Variants in ALPP observed in about 807,000 individuals in gnomAD.
ALPP encodes the protein alkaline phosphatase, placental type.
In ALPP, 39 loss-of-function variants were observed where a neutral mutation model predicts 50.7. The ratio of observed to expected loss-of-function variants is 0.77; its 90% CI spans 0.60 to 1.00. The LOEUF is 1.00. Among genes scored for constraint, ALPP ranks in the 50% least tolerant of loss-of-function variants. The pLI, the probability that ALPP is intolerant of heterozygous loss-of-function variation, is 0.00. For synonymous variants in ALPP, 226 were observed against 320.3 expected (o/e 0.71, Z 3.14); for missense variants, 550 against 746.8 (o/e 0.74, Z 3.07).
intron 5 of ALPP, 57 bp downstream of exon 5, chr2:232,379,993 T>C (rs12620827): frequency 0.083 from 129,360 of 1,566,878 alleles, 6,173 homozygotes; most frequent in East Asian, 0.23. Context: ...GAGGGGGCAC[T>C]AGCTCAGACC....
At chr2:232,381,129 C>T in intron 9 of ALPP, 98 bp downstream of exon 9, 1 of 1,585,034 alleles carries the variant, frequency 6.3e-7, no homozygotes, top group Admixed American at 1.8e-5. Context: ...AATGCTGGCA[C>T]CAGCCCTGTA....
In ALPP at chr2:232,381,943, C is replaced by T; in HGVS notation, c.*148C>T. The T allele has an allele frequency of 7.8e-7, 1 of 1,278,108 alleles. No individual in the cohort carries two copies. The highest frequency in any genetic ancestry group is 1.5e-5 in the African/African-American group (1 of 66,822). The allele number at this position is 1,278,108 out of a possible 1,614,324, so 79.2% of individuals were successfully genotyped here. Reference sequence around the variant, plus strand: ...CATGGAACCTTCCCCTCCCCGTGCGCTCTGGGGACTGAGCCCATGACACCA... The same window carrying T: ...CATGGAACCTTCCCCTCCCCGTGCGTTCTGGGGACTGAGCCCATGACACCA... On this transcript the variant is annotated 3_prime_UTR_variant, in exon 11 of 11. Coordinates refer to ENST00000392027, the MANE Select transcript of ALPP (RefSeq NM_001632.5).
Position 232,379,794 on chromosome 2 carries a change from G to C in ALPP, c.515G>C (p.Arg172Pro), listed in dbSNP as rs746821321. Reference sequence around the variant, plus strand: ...TCAGTGGGAGTGGTAACCACCACACGAGTGCAGCACGCCTCGCCAGCCGGC... The same window carrying C: ...TCAGTGGGAGTGGTAACCACCACACCAGTGCAGCACGCCTCGCCAGCCGGC... The part of the protein sequence containing the change: ...GKSVGVVTTT[R>P]VQHASPAGTY... Residue 172 changes from arginine to proline, a missense_variant, in exon 5 of 11, where the codon CGA becomes CCA. By Grantham distance (103) the Arg-to-Pro change is moderately radical. Around this residue, in one of 5 missense-constraint regions of ALPP, gnomAD observed 376 missense variants for 388.5 expected, o/e 0.97. Transcript: ENST00000392027. 2 of 1,613,906 alleles carry C rather than the reference G, an allele frequency of 1.2e-6. No homozygotes were observed. The highest frequency in any genetic ancestry group is 1.7e-6 in the Non-Finnish European group (2 of 1,180,042).
chr2:232,381,914 C>G lies in ALPP; in HGVS notation c.*119C>G, dbSNP rs1696725265. On this transcript the variant is annotated 3_prime_UTR_variant, in exon 11 of 11. Coordinates refer to ENST00000392027, the MANE Select transcript of ALPP (RefSeq NM_001632.5). ...TCCCCGGAGTCCCTATACAGAGGTC[C>G]TGCCATGGAACCTTCCCCTCCCCGT... 7.0e-7 allele frequency: 1 copy of G among 1,424,290 alleles called. No homozygotes were observed. Among genetic ancestry groups the G allele is most frequent in the Non-Finnish European group, 9.3e-7 (1 of 1,079,444 alleles). The allele number at this position is 1,424,290 out of a possible 1,614,324, so 88.2% of individuals were successfully genotyped here.
chr2:232,379,084 G>A lies in ALPP; in HGVS notation c.190G>A (p.Asp64Asn), dbSNP rs777305206. ...AAKNLIIFLG[D>N]GMGVSTVTAA... ...CAAGAACCTCATCATCTTCCTGGGC[G>A]ATGGTGAGTGAGCCAGGCCTTCCAG... The change falls in exon 2 of 11, where the codon GAT becomes AAT. Residue 64 changes from aspartate (D) to asparagine (N), a missense_variant. Transcript: ENST00000392027. 1.7e-5 allele frequency: 28 copies of A among 1,613,956 alleles called. No individual in the cohort carries two copies. The highest frequency in any genetic ancestry group is 1.6e-4 in the South Asian group (15 of 91,064).
chr2:232,381,585 G>A lies in ALPP; in HGVS notation c.1398G>A (p.Pro466=), dbSNP rs1192462485. The A allele has an allele frequency of 1.9e-6, 3 of 1,612,544 alleles. No homozygotes were observed. Among genetic ancestry groups the A allele is most frequent in the Admixed American group, 3.3e-5 (2 of 59,918 alleles). ...ACGTGGCGGTGTTCGCGCGCGGCCCGCAGGCGCACCTGGTTCACGGCGTGC... is the reference window on the plus strand; with the variant it reads ...ACGTGGCGGTGTTCGCGCGCGGCCCACAGGCGCACCTGGTTCACGGCGTGC... ...GEDVAVFARG[P]QAHLVHGVQE... The change falls in exon 11 of 11, where the codon CCG becomes CCA. Residue 466 remains proline, a synonymous_variant. Coordinates refer to ENST00000392027, the MANE Select transcript of ALPP (RefSeq NM_001632.5).
At position 232,379,299 on chromosome 2, in the gene ALPP, A is replaced by G. The variant is rs368690711; in HGVS notation, c.293A>G (p.Tyr98Cys). The change falls in exon 3 of 11, where the codon TAT becomes TGT. Residue 98 changes from tyrosine (Y) to cysteine (C), a missense_variant. Physicochemically the swap from Tyr to Cys is radical, Grantham distance 194. Coordinates refer to ENST00000392027, the MANE Select transcript of ALPP (RefSeq NM_001632.5). ...EIPLAMDRFP[Y>C]VALSKTYNVD... Reference sequence around the variant, plus strand: ...CCCCTGGCCATGGACCGCTTCCCATATGTGGCTCTGTCCAAGGTAAGTGCT... The same window carrying G: ...CCCCTGGCCATGGACCGCTTCCCATGTGTGGCTCTGTCCAAGGTAAGTGCT... 1 of 1,613,922 alleles carries G rather than the reference A, an allele frequency of 6.2e-7. No individual in the cohort carries two copies. Among genetic ancestry groups the G allele is most frequent in the African/African-American group, 1.3e-5 (1 of 74,876 alleles).
In ALPP at chr2:232,381,380, G is replaced by T. The variant is rs568583522; in HGVS notation, c.1309+13G>T. On this transcript the variant is annotated intron_variant, in intron 10 of 10. Transcript: ENST00000392027. ...GAGAGCGAGAGCGGTGAGTGCCGCGGGGTGGCCCCCTGAGGGGGACCAGGG... is the reference window on the plus strand; with the variant it reads ...GAGAGCGAGAGCGGTGAGTGCCGCGTGGTGGCCCCCTGAGGGGGACCAGGG... The T allele has an allele frequency of 3.3e-5, 53 of 1,614,100 alleles. No individual in the cohort carries two copies. In the East Asian group the frequency reaches 8.9e-4, roughly 27 times the overall value.
rs531867936 is a variant in ALPP at position 232,381,263 on chromosome 2, G to A, written c.1205G>A (p.Gly402Asp). ...CCTCTCTCTGCAGGGCTGGCCCCTGGCAAGGCCCGGGACAGGAAGGCCTAC... is the reference window on the plus strand; with the variant it reads ...CCTCTCTCTGCAGGGCTGGCCCCTGACAAGGCCCGGGACAGGAAGGCCTAC... ...RGSSIFGLAPGKARDRKAYTV... is the reference protein window; with the variant it reads ...RGSSIFGLAPDKARDRKAYTV... The change falls in exon 10 of 11, where the codon GGC (glycine) becomes GAC (aspartate). Residue 402 changes from glycine to aspartate, a missense_variant. Physicochemically the swap from Gly to Asp is moderately conservative, Grantham distance 94 (BLOSUM62 -1). This residue lies in a region of ALPP where 9 missense variants were observed against 28.9 expected (regional missense o/e 0.31). Coordinates refer to ENST00000392027, the MANE Select transcript of ALPP (RefSeq NM_001632.5). 566 of 1,613,616 alleles carry A rather than the reference G, an allele frequency of 3.5e-4. 1 individual carries two copies. Among genetic ancestry groups the A allele is most frequent in the Middle Eastern group, 1.7e-4 (1 of 5,920 alleles).
rs1293150670 is a variant in ALPP, at chr2:232,382,805, G to A, written c.*1010G>A. The A allele has an allele frequency of 1.3e-5, 2 of 152,186 alleles. No individual in the cohort carries two copies. The highest frequency in any genetic ancestry group is 4.8e-5 in the African/African-American group (2 of 41,430). The allele number at this position is 152,186 out of a possible 1,614,324, so 9.4% of individuals were successfully genotyped here. A position where few individuals can be genotyped will look rare whatever the true frequency, so the allele number is the denominator to read the frequency against. ...GTCATGCCACTGCACTGCAGCCTGG[G>A]CGACAGAGCGAGATTCTGCCTCAAA... On this transcript the variant is annotated 3_prime_UTR_variant, in exon 11 of 11. Coordinates refer to ENST00000392027, the MANE Select transcript of ALPP (RefSeq NM_001632.5).
intron 7 of ALPP, 45 bp from the exon 8 acceptor site, chr2:232,380,578 C>T (rs1696688695): frequency 1.9e-6 from 3 of 1,613,778 alleles, no homozygotes; most frequent in South Asian, 1.1e-5. Flanking sequence ...CCAGCACCCG[C>T]CCACCCCCAG....
chr2:232,380,583 C>T, intron 7 of ALPP, 40 bp from the exon 8 acceptor site: 5 of 1,613,930 alleles, frequency 3.1e-6, no homozygotes, highest in Non-Finnish European at 4.2e-6. Flanking sequence ...ACCCGCCCAC[C>T]CCCAGCCTGC....
At position 232,381,374 on chromosome 2, in the gene ALPP, G is replaced by A. The variant is rs1484877674; in HGVS notation, c.1309+7G>A. 6 of 1,614,138 alleles carry A rather than the reference G, an allele frequency of 3.7e-6. No homozygotes were observed. Among genetic ancestry groups the A allele is most frequent in the African/African-American group, 1.3e-5 (1 of 75,078 alleles). ...GTTACCGAGAGCGAGAGCGGTGAGT[G>A]CCGCGGGGTGGCCCCCTGAGGGGGA... On this transcript the variant is annotated splice_region_variant and intron_variant, in intron 10 of 10. Coordinates refer to ENST00000392027, the MANE Select transcript of ALPP (RefSeq NM_001632.5).
At position 232,379,662 on chromosome 2, in the gene ALPP, C is replaced by T. The variant is rs141695382; in HGVS notation, c.459C>T (p.Ser153=). ...CGACACGCGGCAACGAGGTCATCTC[C>T]GTGATGAATCGGGCCAAGAAAGCAG... ...CNTTRGNEVI[S]VMNRAKKAGK... Residue 153 remains serine, a synonymous_variant, in exon 4 of 11, where the codon TCC becomes TCT. Transcript: ENST00000392027. 51 of 1,613,812 alleles carry T rather than the reference C, an allele frequency of 3.2e-5. No individual in the cohort carries two copies. In the African/African-American group the frequency reaches 3.7e-4, roughly 12 times the overall value.
chr2:232,379,576 G>A lies in ALPP; in HGVS notation c.373G>A (p.Val125Ile). Reference sequence around the variant, plus strand: ...CACAGCCACGGCCTACCTGTGCGGGGTCAAGGGCAACTTCCAGACCATTGG... The same window carrying A: ...CACAGCCACGGCCTACCTGTGCGGGATCAAGGGCAACTTCCAGACCATTGG... ...GATATAYLCG[V>I]KGNFQTIGLS... The change falls in exon 4 of 11, where the codon GTC becomes ATC. Residue 125 changes from valine to isoleucine, a missense_variant. By Grantham distance (29) the Val-to-Ile change is conservative. Around this residue, in one of 5 missense-constraint regions of ALPP, gnomAD observed 376 missense variants for 388.5 expected, o/e 0.97. Transcript: ENST00000392027. 6.2e-7 allele frequency: 1 copy of A among 1,614,140 alleles called. No homozygotes were observed. The highest frequency in any genetic ancestry group is 8.5e-7 in the Non-Finnish European group (1 of 1,180,034).
rs769489938 is a variant in ALPP, at chr2:232,379,590, C to T, written c.387C>T (p.Phe129=). ...ACCTGTGCGGGGTCAAGGGCAACTT[C>T]CAGACCATTGGCTTGAGTGCAGCCG... The part of the protein sequence containing the change: ...TAYLCGVKGN[F]QTIGLSAAAR... Residue 129 remains phenylalanine, a synonymous_variant, in exon 4 of 11, where the codon TTC becomes TTT. Transcript: ENST00000392027. 13 of 1,614,098 alleles carry T rather than the reference C, an allele frequency of 8.1e-6. No individual in the cohort carries two copies. Among genetic ancestry groups the T allele is most frequent in the Non-Finnish European group, 1.1e-5 (13 of 1,180,030 alleles).
Position 232,380,904 on chromosome 2 carries a change from G to GT in ALPP, c.1067dup (p.Asp357ArgfsTer5). On this transcript the variant is annotated frameshift_variant, in exon 9 of 11. Coordinates refer to ENST00000392027, the MANE Select transcript of ALPP (RefSeq NM_001632.5). LOFTEE classifies it high-confidence loss of function. ...ACCGGGCACTGACTGAGACGATCAT[G>GT]TTCGACGACGCCATTGAGAGGGCGG... is the stretch of plus-strand genomic sequence containing the variant. 1 of 1,569,104 alleles carries GT rather than the reference G, an allele frequency of 6.4e-7. No homozygotes were observed. The highest frequency in any genetic ancestry group is 8.7e-7 in the Non-Finnish European group (1 of 1,155,570).
At position 232,379,890 on chromosome 2, in the gene ALPP, G is replaced by T. The variant is rs1396924213; in HGVS notation, c.611G>T (p.Gly204Val). The change falls in exon 5 of 11, where the codon GGG becomes GTG. Residue 204 changes from glycine to valine, a missense_variant. Gly to Val is a moderately radical substitution (Grantham distance 109, BLOSUM62 -3). Transcript: ENST00000392027. ...GTGCCTGCCTCCGCCCGCCAGGAGGGGTGCCAGGACATCGCTACGCAGCTC... is the reference window on the plus strand; with the variant it reads ...GTGCCTGCCTCCGCCCGCCAGGAGGTGTGCCAGGACATCGCTACGCAGCTC... ...ADVPASARQEGCQDIATQLIS... is the reference protein window; with the variant it reads ...ADVPASARQEVCQDIATQLIS... The T allele has an allele frequency of 6.2e-7, 1 of 1,613,158 alleles. No individual in the cohort carries two copies. The highest frequency in any genetic ancestry group is 8.5e-7 in the Non-Finnish European group (1 of 1,179,806).
rs757587791 is a variant in ALPP, at chr2:232,379,642, C to T, written c.439C>T (p.Arg147Cys). The part of the protein sequence containing the change: ...AARFNQCNTT[R>C]GNEVISVMNR... ...CCGCTTTAACCAGTGCAACACGACA[C>T]GCGGCAACGAGGTCATCTCCGTGAT... The change falls in exon 4 of 11, where the codon CGC (arginine) becomes TGC (cysteine). Residue 147 changes from arginine (R) to cysteine (C), a missense_variant. Coordinates refer to ENST00000392027, the MANE Select transcript of ALPP (RefSeq NM_001632.5). The T allele has an allele frequency of 7.4e-6, 12 of 1,613,786 alleles. No individual in the cohort carries two copies. Among genetic ancestry groups the T allele is most frequent in the African/African-American group, 6.7e-5 (5 of 74,916 alleles).
Sources: gnomAD v4.1 joint callset for allele counts on GRCh38, gnomAD v4.1.1 for gene constraint, gnomAD v4.1.1 regional missense constraint, MANE v1.5 for transcripts, NCBI Gene and HGNC (gene_info 2026-07-23, HGNC 2026-07-21) for gene names.